Variants in DGKB observed in about 807,000 individuals in gnomAD.
The protein encoded by DGKB is 90 kDa diacylglycerol kinase.
Under a neutral mutation model 114.3 loss-of-function variants are expected in DGKB, and 67 were observed. The ratio of observed to expected loss-of-function variants is 0.59; its 90% CI spans 0.48 to 0.72. The LOEUF is 0.72. Ranked by LOEUF, DGKB falls within the 30% of genes least tolerant of loss-of-function variation. DGKB has a pLI of 0.00. For synonymous variants in DGKB, 398 were observed against 323.1 expected (o/e 1.23, Z -2.49); for missense variants, 907 against 975.2 (o/e 0.93, Z 0.93).
At chr7:14,231,486 A>G (rs984520401) in intron 23 of DGKB, among the ~76,000 whole-genome samples, 1 of 152,046 alleles carries the variant, frequency 6.6e-6, no homozygotes, top group African/African-American at 2.4e-5. Context: ...ATAATTTATT[A>G]GCATTTGAAA....
chr7:14,296,130 C>T (rs770615876), intron 23 of DGKB, among the ~76,000 whole-genome samples: 1 of 151,236 alleles, frequency 6.6e-6, no homozygotes, highest in Non-Finnish European at 1.5e-5. Flanking sequence ...CTCCCAGGTT[C>T]AAGCAATTAT....
At chr7:14,842,677 G>A (rs1029332583) in intron 1 of DGKB, among the ~76,000 whole-genome samples, 2 of 152,122 alleles carry the variant, frequency 1.3e-5, no homozygotes, top group African/African-American at 2.4e-5. Context: ...GGCAGTTTTG[G>A]TGGGACTGTG....
intron 14 of DGKB, among the ~76,000 whole-genome samples, chr7:14,623,354 C>A (rs73059498): frequency 0.3 from 46,116 of 151,896 alleles, 7,418 homozygotes; most frequent in East Asian, 0.69. Context: ...TTAGAAAGAT[C>A]GGATTTTATT....
chr7:14,451,755 G>C (rs893168868), intron 21 of DGKB, among the ~76,000 whole-genome samples: 9 of 152,096 alleles, frequency 5.9e-5, no homozygotes, highest in African/African-American at 2.2e-4. Flanking sequence ...ATGAGAAAAT[G>C]TGTTAAACCA....
intron 23 of DGKB, among the ~76,000 whole-genome samples, chr7:14,236,521 G>A (rs922945948): frequency 5.9e-5 from 9 of 151,796 alleles, no homozygotes; most frequent in Admixed American, 4.0e-4. Flanking sequence ...TCTGTTCAAC[G>A]AGAATCAAAT....
At chr7:14,159,561 C>T (rs1279677218) in intron 25 of DGKB, among the ~76,000 whole-genome samples, 5 of 151,966 alleles carry the variant, frequency 3.3e-5, no homozygotes, top group Non-Finnish European at 5.9e-5. Flanking sequence ...TTTTTTGGTT[C>T]ACTTTGTATT....
Position 14,784,825 on chromosome 7 carries a change from G to A in DGKB, c.71-27094C>T, listed in dbSNP as rs76215017. ...TATTTTACCTCCTGTGTCAACTGCT[G>A]TTTTTTTTTTTAATGTTTTTTTGGC... On this transcript the variant is annotated intron_variant, in intron 2 of 25. Coordinates refer to ENST00000402815, the MANE Select transcript of DGKB (RefSeq NM_001350709.2). Among the ~76,000 whole-genome samples the A allele has an allele frequency of 2.2e-5, 3 of 139,318 alleles. No individual in the cohort carries two copies. In the East Asian group the frequency reaches 6.4e-4, roughly 30 times the overall value. 91.4% of individuals were successfully genotyped at this position (139,318 alleles called of 152,430 possible).
chr7:14,873,819 T>C (rs1852844004), intron 1 of DGKB, among the ~76,000 whole-genome samples: 1 of 152,018 alleles, frequency 6.6e-6, no homozygotes, highest in Non-Finnish European at 1.5e-5. Flanking sequence ...TTAAAAGTAT[T>C]CAGTTTCTAA....
intron 6 of DGKB, among the ~76,000 whole-genome samples, chr7:14,706,466 C>A (rs1308864940): frequency 4.0e-5 from 6 of 150,812 alleles, no homozygotes; most frequent in African/African-American, 1.2e-4. Context: ...CCAAGAGGAC[C>A]TAATACACAT....
chr7:14,695,492 C>CTGTTTTT (rs1452686512), intron 8 of DGKB, among the ~76,000 whole-genome samples: 1 of 73,362 alleles, frequency 1.4e-5, no homozygotes, highest in Non-Finnish European at 2.6e-5. Context: ...CTCTCTCTCT[C>CTGTTTTT]TCTTTTTTTT....
chr7:14,439,242 G>A (rs1829723164), intron 21 of DGKB, among the ~76,000 whole-genome samples: 2 of 151,992 alleles, frequency 1.3e-5, no homozygotes, highest in African/African-American at 4.8e-5. Context: ...TTCTATTTCA[G>A]TAGAGAAGAA....
intron 21 of DGKB, among the ~76,000 whole-genome samples, chr7:14,409,022 C>G (rs10226272): frequency 0.75 from 113,390 of 151,182 alleles, 43,102 homozygotes; most frequent in Middle Eastern, 0.83. Context: ...CACACGAACA[C>G]TTGCAAACAA....
intron 18 of DGKB, among the ~76,000 whole-genome samples, chr7:14,581,868 G>A (rs1428784326): frequency 6.6e-6 from 1 of 152,000 alleles, no homozygotes; most frequent in Admixed American, 6.6e-5. Flanking sequence ...ATTAACTTTT[G>A]TAATTCTTGA....
intron 23 of DGKB, among the ~76,000 whole-genome samples, chr7:14,188,242 CTCATAATAGGAGTG>C (rs1562568615): frequency 6.6e-6 from 1 of 152,060 alleles, no homozygotes; most frequent in Non-Finnish European, 1.5e-5. Flanking sequence ...AATAAATTTT[CTCATAATAGGAGTG>C]TCAGAGGGAA....
rs1436126816 is a variant in DGKB at position 14,814,906 on chromosome 7, T to C, written c.70+26288A>G. ...TATTCTAATACATAACTAATTAATA[T>C]TTGTGATCTATTCCTTTTGCTCTTT... On this transcript the variant is annotated intron_variant, in intron 2 of 25. Transcript: ENST00000402815. Among the ~76,000 whole-genome samples, 4 of 152,202 alleles carry C rather than the reference T, an allele frequency of 2.6e-5. No homozygotes were observed. In the East Asian group the frequency reaches 7.7e-4, roughly 29 times the overall value.
intron 4 of DGKB, among the ~76,000 whole-genome samples, chr7:14,741,810 A>T (rs1832624634): frequency 6.6e-6 from 1 of 152,198 alleles, no homozygotes; most frequent in African/African-American, 2.4e-5. Flanking sequence ...AAAAGCCAGA[A>T]ATATGAGTCA....
Position 14,605,902 on chromosome 7 carries a change from T to C in DGKB, c.1433+1532A>G, listed in dbSNP as rs115569747. Among the ~76,000 whole-genome samples, 546 of 152,234 alleles carry C rather than the reference T, an allele frequency of 3.6e-3. 3 individuals are homozygous for C. The highest frequency in any genetic ancestry group is 0.012 in the African/African-American group (505 of 41,546). On this transcript the variant is annotated intron_variant, in intron 17 of 25. Transcript: ENST00000402815. ...ATCCCATTTAACTTCACAACTATCC[T>C]ATAAGGCAGGCAGAAATCCTCATTT...
intron 23 of DGKB, among the ~76,000 whole-genome samples, chr7:14,255,506 A>G (rs1455194717): frequency 6.6e-6 from 1 of 152,210 alleles, no homozygotes; most frequent in African/African-American, 2.4e-5. Context: ...TTTTCAGAGC[A>G]CTGTGAAACA....
At chr7:14,361,887 G>A (rs1209684632) in intron 21 of DGKB, among the ~76,000 whole-genome samples, 1 of 151,868 alleles carries the variant, frequency 6.6e-6, no homozygotes, top group Non-Finnish European at 1.5e-5. Flanking sequence ...CTAGCAACAT[G>A]TAGCATTCAT....
Sources: gnomAD v4.1 joint callset for allele counts (sites outside exome capture counted in the v4.1 genomes callset) on GRCh38, gnomAD v4.1.1 for gene constraint, MANE v1.5 for transcripts, NCBI Gene and HGNC (gene_info 2026-07-23, HGNC 2026-07-21) for gene names.